The following ZNF69 variants were observed in gnomAD, a reference collection of about 807,000 sequenced individuals.
ZNF69 encodes zinc finger protein 69.
ZNF69 carries 47 observed loss-of-function variants against 50.9 expected under a neutral mutation model. The ratio of observed to expected loss-of-function variants is 0.92; its 90% CI spans 0.73 to 1.18. ZNF69 has a LOEUF of 1.18. Among genes scored for constraint, ZNF69 ranks in the 50% most tolerant of loss-of-function variants. The pLI is 0.00. For synonymous variants in ZNF69, 216 were observed against 223.1 expected, an observed-to-expected ratio of 0.97 and a Z score of 0.29; for missense variants, 717 against 675.1, an observed-to-expected ratio of 1.06 and a Z score of -0.69.
intron 1 of ZNF69, among the ~76,000 whole-genome samples, chr19:11,888,247 G>C (rs1976995581): frequency 6.6e-6 from 1 of 152,240 alleles, no homozygotes; most frequent in Non-Finnish European, 1.5e-5. Flanking sequence ...CCGCAGCCAC[G>C]CGTCTACCCA....
chr19:11,890,460 C>T (rs554235696), intron 1 of ZNF69, among the ~76,000 whole-genome samples: 127 of 152,376 alleles, frequency 8.3e-4, no homozygotes, highest in African/African-American at 3.0e-3. Context: ...GCACAGGTTT[C>T]TGTGAGCACA....
At chr19:11,957,871 A>G in the ZNF69 span, among the ~76,000 whole-genome samples, 4 of 152,030 alleles carry the variant, frequency 2.6e-5, no homozygotes, top group Non-Finnish European at 5.9e-5. Context: ...AGGGACCTGG[A>G]GGAAGGAGAG....
the ZNF69 span, among the ~76,000 whole-genome samples, chr19:11,931,366 A>G: frequency 1.4e-5 from 2 of 147,934 alleles, no homozygotes; most frequent in African/African-American, 5.3e-5. Context: ...GTGTCTTCTT[A>G]TAAGAGCACT....
At chr19:11,935,470 G>A in the ZNF69 span, among the ~76,000 whole-genome samples, 1 of 151,948 alleles carries the variant, frequency 6.6e-6, no homozygotes, top group Admixed American at 6.6e-5. Context: ...TGACCTCGAT[G>A]ATCCACCCAC....
the ZNF69 span, among the ~76,000 whole-genome samples, chr19:11,959,810 C>T: frequency 6.6e-6 from 1 of 151,928 alleles, no homozygotes; most frequent in South Asian, 2.1e-4. Flanking sequence ...CTGAATTAAC[C>T]ATCTCACCTT....
At chr19:11,958,922 G>A in the ZNF69 span, among the ~76,000 whole-genome samples, 16 of 152,090 alleles carry the variant, frequency 1.1e-4, no homozygotes, top group African/African-American at 2.9e-4. Context: ...TCACTCTGTC[G>A]CCCAGGCTAG....
At chr19:11,934,357 C>G in the ZNF69 span, among the ~76,000 whole-genome samples, 27 of 147,794 alleles carry the variant, frequency 1.8e-4, 1 homozygote, top group East Asian at 5.2e-3. Flanking sequence ...TTCTTCAGAC[C>G]TCCGCAGACT....
At chr19:11,894,958 C>T (rs1977189455) in intron 1 of ZNF69, among the ~76,000 whole-genome samples, 1 of 152,212 alleles carries the variant, frequency 6.6e-6, no homozygotes, top group Non-Finnish European at 1.5e-5. Context: ...TTGAGGTTCA[C>T]AGCGGGGCAT....
At chr19:11,914,315 CA>C (rs5827139) in exon 5 of ZNF69, 44,773 of 134,474 alleles carry the variant, frequency 0.33, 6,996 homozygotes, top group African/African-American at 0.4. Context: ...AACTCCGTTT[CA>C]AAAAAAAAAA....
At chr19:11,952,085 G>A in the ZNF69 span, among the ~76,000 whole-genome samples, 109 of 152,262 alleles carry the variant, frequency 7.2e-4, no homozygotes, top group African/African-American at 2.6e-3. Flanking sequence ...TGAGACAGGA[G>A]AATCGCTTGA....
the ZNF69 span, chr19:11,926,513 T>G: frequency 6.6e-6 from 1 of 152,460 alleles, no homozygotes; most frequent in Non-Finnish European, 1.5e-5. Context: ...CTCAGCCTCC[T>G]GAGTAGCTGG....
At position 11,905,262 on chromosome 19, in the gene ZNF69, A is replaced by G. The variant is rs1269211421; in HGVS notation, c.865A>G (p.Arg289Gly). ...QQCGKAFHSP[R>G]CYRRHERIHT... ...ATGTGGGAAAGCATTTCATAGTCCC[A>G]GATGCTATCGTAGACATGAAAGGAT... The change falls in exon 4 of 4, where the codon AGA (arginine) becomes GGA (glycine). Residue 289 changes from arginine to glycine, a missense_variant. Arg to Gly is a moderately radical substitution (Grantham distance 125). Coordinates refer to ENST00000429654, the MANE Select transcript of ZNF69 (RefSeq NM_001364730.1). The G allele has an allele frequency of 6.2e-7, 1 of 1,614,128 alleles. No individual in the cohort carries two copies. The highest frequency in any genetic ancestry group is 8.5e-7 in the Non-Finnish European group (1 of 1,180,028).
the ZNF69 span, chr19:11,965,040 C>G: frequency 1.3e-6 from 1 of 775,184 alleles, no homozygotes. Context: ...GGTCGCATTC[C>G]TGTCCTCACC....
At chr19:11,934,891 C>T in the ZNF69 span, among the ~76,000 whole-genome samples, 1 of 147,396 alleles carries the variant, frequency 6.8e-6, no homozygotes, top group African/African-American at 2.7e-5. Context: ...GCCATAATTA[C>T]AGTCTTTGGT....
At chr19:11,919,052 C>T (rs1019326121), downstream of ZNF69, among the ~76,000 whole-genome samples, 6 of 151,908 alleles carry the variant, frequency 3.9e-5, no homozygotes, top group East Asian at 5.8e-4. Flanking sequence ...CCCGCCACCA[C>T]GCCCGGCTAA....
At chr19:11,944,453 A>G in the ZNF69 span, among the ~76,000 whole-genome samples, 1 of 152,282 alleles carries the variant, frequency 6.6e-6, no homozygotes, top group South Asian at 2.1e-4. Context: ...AGCATGCAGT[A>G]TCCATGTGAT....
the ZNF69 span, chr19:11,978,876 A>C: frequency 1.9e-6 from 3 of 1,613,988 alleles, no homozygotes; most frequent in Non-Finnish European, 2.5e-6. Flanking sequence ...TAGCAAATGT[A>C]ATAAAGCATT....
At chr19:11,963,310 A>T in the ZNF69 span, among the ~76,000 whole-genome samples, 1 of 152,090 alleles carries the variant, frequency 6.6e-6, no homozygotes, top group Non-Finnish European at 1.5e-5. Context: ...GCTCAGGGTG[A>T]TCTCCAACTT....
At chr19:11,951,464 C>T in the ZNF69 span, among the ~76,000 whole-genome samples, 205 of 152,046 alleles carry the variant, frequency 1.3e-3, 3 homozygotes, top group African/African-American at 4.7e-3. Context: ...CTCCGGACCT[C>T]GTGATCTGCC....
Sources: allele counts gnomAD v4.1 joint callset (sites outside exome capture counted in the v4.1 genomes callset), GRCh38; gene constraint gnomAD v4.1.1; transcripts MANE v1.5; gene names NCBI Gene and HGNC (gene_info 2026-07-23, HGNC 2026-07-21).